The following PLCB4 variants were observed in gnomAD, a reference collection of about 807,000 sequenced individuals.
PLCB4 encodes the protein 1-phosphatidylinositol 4,5-bisphosphate phosphodiesterase beta-4.
In PLCB4, 77 loss-of-function variants were observed where a neutral mutation model predicts 178.8. The observed-to-expected ratio is 0.43, with a 90% CI of 0.36 to 0.52. The LOEUF (loss-of-function observed/expected upper bound fraction) is 0.52. PLCB4 is among the 20% of genes least tolerant of loss of function. The pLI is 0.00. For synonymous variants in PLCB4, 496 were observed against 490.8 expected (o/e 1.01, Z -0.14); for missense variants, 1,024 against 1,453.4 (o/e 0.70, Z 4.80).
intron 7 of PLCB4, among the ~76,000 whole-genome samples, chr20:9,343,844 A>G (rs1213707145): frequency 1.3e-5 from 2 of 152,156 alleles, no homozygotes; most frequent in African/African-American, 2.4e-5. Flanking sequence ...CTTGTGTCCT[A>G]TGTTAGTCTG....
At chr20:9,471,786 C>A (rs2044209523) in intron 36 of PLCB4, among the ~76,000 whole-genome samples, 1 of 152,154 alleles carries the variant, frequency 6.6e-6, no homozygotes, top group Admixed American at 6.5e-5. Context: ...CACCCAGACA[C>A]TGCAGATGGA....
chr20:9,417,341 C>T (rs1028677911), intron 25 of PLCB4, among the ~76,000 whole-genome samples: 9 of 152,008 alleles, frequency 5.9e-5, no homozygotes, highest in East Asian at 1.9e-4. Context: ...ACATTTTCAT[C>T]GCCTCAAAAT....
intron 7 of PLCB4, among the ~76,000 whole-genome samples, chr20:9,353,861 T>C (rs988191703): frequency 1.3e-5 from 2 of 152,220 alleles, no homozygotes; most frequent in Non-Finnish European, 2.9e-5. Flanking sequence ...TAGACCTCTG[T>C]CTGGTTTCTG....
intron 35 of PLCB4, among the ~76,000 whole-genome samples, chr20:9,463,891 A>G (rs1603019325): frequency 6.6e-6 from 1 of 152,120 alleles, no homozygotes; most frequent in Non-Finnish European, 1.5e-5. Flanking sequence ...GGTTAATAAG[A>G]TATCCAGGAC....
intron 14 of PLCB4, among the ~76,000 whole-genome samples, chr20:9,385,760 C>T (rs959520667): frequency 2.0e-5 from 3 of 151,836 alleles, no homozygotes; most frequent in East Asian, 1.9e-4. Flanking sequence ...AGGTGCTCCT[C>T]GCTTCCCAGA....
intron 1 of PLCB4, among the ~76,000 whole-genome samples, chr20:9,075,338 T>C (rs922298541): frequency 6.6e-6 from 1 of 152,214 alleles, no homozygotes; most frequent in African/African-American, 2.4e-5. Flanking sequence ...CAAAAGCTTC[T>C]GGCAATCCTG....
At chr20:9,093,664 G>C (rs2090780709) in intron 1 of PLCB4, among the ~76,000 whole-genome samples, 1 of 149,206 alleles carries the variant, frequency 6.7e-6, no homozygotes. Context: ...TCTGGCACCT[G>C]GTTTGTCTTT....
At chr20:9,209,963 CAAA>C (rs58424232) in intron 2 of PLCB4, among the ~76,000 whole-genome samples, 2 of 47,938 alleles carry the variant, frequency 4.2e-5, no homozygotes, top group Non-Finnish European at 8.2e-5. Context: ...GACTCTGTCT[CAAA>C]AAAAAAAAAA....
chr20:9,146,781 T>TAA (rs2092605628), intron 2 of PLCB4, among the ~76,000 whole-genome samples: 1 of 152,148 alleles, frequency 6.6e-6, no homozygotes, highest in African/African-American at 2.4e-5. Flanking sequence ...AGTTAGTTTT[T>TAA]AAAAGCAATT....
intron 2 of PLCB4, among the ~76,000 whole-genome samples, chr20:9,138,613 A>T (rs2092429513): frequency 6.6e-6 from 1 of 152,100 alleles, no homozygotes; most frequent in African/African-American, 2.4e-5. Context: ...AAAATATGAA[A>T]ATATGATGGG....
At chr20:9,248,248 A>C (rs1472163362) in intron 3 of PLCB4, among the ~76,000 whole-genome samples, 1 of 152,148 alleles carries the variant, frequency 6.6e-6, no homozygotes, top group Non-Finnish European at 1.5e-5. Flanking sequence ...TACTGTGATT[A>C]ATACTCATGT....
At chr20:9,393,775 TG>T in intron 18 of PLCB4, 97 bp downstream of exon 18, 1 of 799,854 alleles carries the variant, frequency 1.3e-6, no homozygotes, top group Non-Finnish European at 2.1e-6. Flanking sequence ...CACTGATTTT[TG>T]GGGGAAGGGT....
At chr20:9,431,754 C>T (rs1282921551) in intron 28 of PLCB4, among the ~76,000 whole-genome samples, 1 of 151,946 alleles carries the variant, frequency 6.6e-6, no homozygotes, top group African/African-American at 2.4e-5. Context: ...AAATGATCCA[C>T]CCACCTCAGC....
At chr20:9,162,422 A>C (rs1283703219) in intron 2 of PLCB4, among the ~76,000 whole-genome samples, 3 of 152,216 alleles carry the variant, frequency 2.0e-5, no homozygotes, top group Non-Finnish European at 4.4e-5. Flanking sequence ...AAGTTTTCTT[A>C]ACTGTCACGT....
rs2036806682 is a variant in PLCB4 at position 9,377,840 on chromosome 20, T to C, written c.745-2214T>C. Among the ~76,000 whole-genome samples the C allele has an allele frequency of 2.0e-5, 3 of 152,184 alleles. No homozygotes were observed. The South Asian group carries it at 6.2e-4, about 31-fold the overall frequency. ...TTAGGTACTTTTCTTTTTACTGATG[T>C]GCAAATATGTTAAAATGCATACCTT... On this transcript the variant is annotated intron_variant, in intron 12 of 39. Transcript: ENST00000378473.
intron 4 of PLCB4, among the ~76,000 whole-genome samples, chr20:9,312,057 T>C (rs2147898530): frequency 6.6e-6 from 1 of 152,230 alleles, no homozygotes; most frequent in East Asian, 1.9e-4. Context: ...ATTTTAAAAT[T>C]CCATTCTCCC....
chr20:9,197,201 A>G (rs1437166125), intron 2 of PLCB4, among the ~76,000 whole-genome samples: 2 of 152,172 alleles, frequency 1.3e-5, no homozygotes, highest in Admixed American at 6.5e-5. Flanking sequence ...CTTTCTTCTG[A>G]TCACCTGGTT....
At chr20:9,318,347 T>C (rs1360529228) in intron 4 of PLCB4, among the ~76,000 whole-genome samples, 1 of 151,708 alleles carries the variant, frequency 6.6e-6, no homozygotes. Context: ...GAAATCATGC[T>C]GAATCGCTTC....
At chr20:9,453,121 G>T (rs1224881172) in intron 32 of PLCB4, among the ~76,000 whole-genome samples, 1 of 152,152 alleles carries the variant, frequency 6.6e-6, no homozygotes, top group East Asian at 1.9e-4. Context: ...CATTTGAACT[G>T]GGCATGTTCA....
Sources: allele counts gnomAD v4.1 joint callset (sites outside exome capture counted in the v4.1 genomes callset), GRCh38; gene constraint gnomAD v4.1.1; transcripts MANE v1.5; gene names NCBI Gene and HGNC (gene_info 2026-07-23, HGNC 2026-07-21).